Variants in DUSP22 observed in about 807,000 individuals in gnomAD.
The protein encoded by DUSP22 is dual specificity phosphatase 22, also known as dual specificity protein phosphatase 22.
In DUSP22, 24 loss-of-function variants were observed where a neutral mutation model predicts 24.5. The ratio of observed to expected loss-of-function variants is 0.98; its 90% confidence interval spans 0.71 to 1.38. The LOEUF is 1.38. Among genes scored for constraint, DUSP22 ranks in the 40% most tolerant of loss-of-function variants. The pLI is 0.00. For synonymous variants in DUSP22, 160 were observed against 106.4 expected (o/e 1.50, Z -3.10); for missense variants, 330 against 269.2 (o/e 1.23, Z -1.58).
At chr6:332,634 T>C in intron 3 of DUSP22, among the ~76,000 whole-genome samples, 1 of 148,938 alleles carries the variant, frequency 6.7e-6, no homozygotes, top group Admixed American at 6.8e-5. Flanking sequence ...TCCATTCTCT[T>C]CCTGTCCTTC....
At chr6:292,645 G>T (rs1451838789) in intron 1 of DUSP22, 85 bp downstream of exon 1, 4 of 1,510,586 alleles carry the variant, frequency 2.6e-6, no homozygotes, top group Non-Finnish European at 3.6e-6. Flanking sequence ...GACGACTCGA[G>T]CCCGGGGTGC....
At chr6:328,163 C>T (rs1432148745) in intron 3 of DUSP22, among the ~76,000 whole-genome samples, 1 of 152,304 alleles carries the variant, frequency 6.6e-6, no homozygotes, top group African/African-American at 2.4e-5. Flanking sequence ...TCAGGCTTCA[C>T]CTTCATTAAG....
At chr6:327,662 A>G (rs1210024362) in intron 3 of DUSP22, among the ~76,000 whole-genome samples, 1 of 152,304 alleles carries the variant, frequency 6.6e-6, no homozygotes, top group Non-Finnish European at 1.5e-5. Context: ...GTGGGGGCCC[A>G]GCGTGGGGCT....
chr6:349,618 C>T lies in DUSP22; in HGVS notation c.*667C>T, dbSNP rs1449811538. 36 of 987,046 alleles carry T rather than the reference C, an allele frequency of 3.6e-5. No homozygotes were observed. The highest frequency in any genetic ancestry group is 4.0e-5 in the Non-Finnish European group (33 of 831,298). 61.1% of individuals were successfully genotyped at this position (987,046 alleles called of 1,614,324 possible). On this transcript the variant is annotated 3_prime_UTR_variant, in exon 7 of 7. Coordinates refer to ENST00000419235, the MANE Select transcript of DUSP22 (RefSeq NM_001286555.3). ...CTCTAGAGGGAGGGTGGCTCTGGGGCCCTGGAAAACGTGAGAGACTGCCCT... is the reference window on the plus strand; with the variant it reads ...CTCTAGAGGGAGGGTGGCTCTGGGGTCCTGGAAAACGTGAGAGACTGCCCT...
At chr6:300,852 C>T (rs1158800189) in intron 1 of DUSP22, among the ~76,000 whole-genome samples, 1 of 152,312 alleles carries the variant, frequency 6.6e-6, no homozygotes, top group Non-Finnish European at 1.5e-5. Flanking sequence ...GGCAGACAGC[C>T]TGGAAGGCTG....
intron 1 of DUSP22, among the ~76,000 whole-genome samples, chr6:301,856 G>A (rs1223134087): frequency 6.6e-6 from 1 of 152,308 alleles, no homozygotes; most frequent in Admixed American, 6.5e-5. Flanking sequence ...TTAGGAGTCA[G>A]AACATCATGG....
At chr6:324,672 T>C in intron 3 of DUSP22, among the ~76,000 whole-genome samples, 1 of 152,422 alleles carries the variant, frequency 6.6e-6, no homozygotes, top group South Asian at 2.1e-4. Flanking sequence ...TCTGGGTCAG[T>C]GTTTGCCTCT....
chr6:319,151 A>G (rs77159094), intron 3 of DUSP22, among the ~76,000 whole-genome samples: 1 of 152,404 alleles, frequency 6.6e-6, no homozygotes, highest in Non-Finnish European at 1.5e-5. Flanking sequence ...AAAAAAAAAA[A>G]TTCTTGAATT....
intron 4 of DUSP22, among the ~76,000 whole-genome samples, chr6:343,375 G>GGGGCAGCTGACTGGCTGGCTGCAGGA (rs1759702103): frequency 5.6e-5 from 3 of 53,598 alleles, no homozygotes; most frequent in African/African-American, 1.9e-4. Context: ...TGCACAGGCT[G>GGGGCAGCTGACTGGCTGGCTGCAGGA]GGGCAGCTGA....
At chr6:311,661 C>CAA (rs1197767388) in intron 2 of DUSP22, among the ~76,000 whole-genome samples, 2 of 151,172 alleles carry the variant, frequency 1.3e-5, no homozygotes, top group African/African-American at 4.9e-5. Context: ...GCCTGGGCGA[C>CAA]AGAGTGAGAC....
chr6:312,199 C>CT (rs1318455582), intron 3 of DUSP22, among the ~76,000 whole-genome samples: 2 of 152,310 alleles, frequency 1.3e-5, no homozygotes, highest in African/African-American at 4.8e-5. Flanking sequence ...GCTTTCGTGG[C>CT]TAAATGCCTA....
intron 1 of DUSP22, 66 bp downstream of exon 1, chr6:292,626 C>T (rs1197094353): frequency 2.5e-5 from 39 of 1,555,072 alleles, no homozygotes; most frequent in Non-Finnish European, 3.0e-5. Flanking sequence ...TCGCCGGCGT[C>T]GGCTGCCCGA....
At chr6:343,419 C>T (rs987359065) in intron 4 of DUSP22, among the ~76,000 whole-genome samples, 2 of 43,818 alleles carry the variant, frequency 4.6e-5, no homozygotes, top group African/African-American at 1.2e-4. Context: ...TGGACGGCAC[C>T]CTCCTTGGTC....
chr6:341,824 C>T (rs531757724), intron 4 of DUSP22, among the ~76,000 whole-genome samples: 15 of 152,420 alleles, frequency 9.8e-5, no homozygotes, highest in African/African-American at 3.6e-4. Flanking sequence ...GTCACCTCTC[C>T]ATAACCTCCT....
chr6:321,593 A>G (rs1427057068), intron 3 of DUSP22, among the ~76,000 whole-genome samples: 1 of 152,306 alleles, frequency 6.6e-6, no homozygotes. Flanking sequence ...AACAAAGTTG[A>G]AAATGAAAGA....
chr6:350,738 A>C lies in DUSP22; in HGVS notation c.*1787A>C. On this transcript the variant is annotated 3_prime_UTR_variant, in exon 7 of 7. Transcript: ENST00000419235. ...ATAGCTTGAATGCTTAAATATGTGC[A>C]CCTTTACAAACCTCTCAGTGTATTC... 1 of 1,612,428 alleles carries C rather than the reference A, an allele frequency of 6.2e-7. No homozygotes were observed. The highest frequency in any genetic ancestry group is 1.1e-5 in the South Asian group (1 of 90,660).
At chr6:302,354 A>G (rs1757620080) in intron 1 of DUSP22, among the ~76,000 whole-genome samples, 1 of 152,306 alleles carries the variant, frequency 6.6e-6, no homozygotes, top group Non-Finnish European at 1.5e-5. Flanking sequence ...GTGCAGGACC[A>G]GCTCCTTGCA....
At chr6:325,113 C>T (rs960159312) in intron 3 of DUSP22, 497 of 157,944 alleles carry the variant, frequency 3.1e-3, no homozygotes, top group Middle Eastern at 7.8e-3. Context: ...CAGTGCTGTA[C>T]CTGCTGGTGC....
At chr6:304,477 A>T in intron 1 of DUSP22, 151 bp from the exon 2 acceptor site, 2 of 1,172,724 alleles carry the variant, frequency 1.7e-6, no homozygotes, top group African/African-American at 1.5e-5. Flanking sequence ...GCCGCTGGGG[A>T]TGTTGGGTCA....
Sources: allele counts gnomAD v4.1 joint callset (sites outside exome capture counted in the v4.1 genomes callset), GRCh38; gene constraint gnomAD v4.1.1; transcripts MANE v1.5; gene names NCBI Gene and HGNC (gene_info 2026-07-23, HGNC 2026-07-21).